TSPAN14: variants seen among roughly 807,000 people sequenced by gnomAD.
The protein encoded by TSPAN14 is tetraspanin-14.
Under a neutral mutation model 36.6 loss-of-function variants are expected in TSPAN14, and 16 were observed. The ratio of observed to expected loss-of-function variants is 0.44; its 90% confidence interval spans 0.30 to 0.66. The LOEUF is 0.66. TSPAN14 is among the 30% of genes least tolerant of loss of function. The pLI is 0.12. For missense variants in TSPAN14, 231 were observed against 355.1 expected (o/e 0.65, Z 2.81); for synonymous variants, 139 against 143.8 (o/e 0.97, Z 0.24).
chr10:80,467,792 G>A (rs992313734), intron 1 of TSPAN14, among the ~76,000 whole-genome samples: 1 of 152,128 alleles, frequency 6.6e-6, no homozygotes, highest in African/African-American at 2.4e-5. Flanking sequence ...GTGTTCAGGC[G>A]CTGAGTGTGG....
At chr10:80,511,150 A>G (rs938915844) in intron 5 of TSPAN14, among the ~76,000 whole-genome samples, 1 of 152,234 alleles carries the variant, frequency 6.6e-6, no homozygotes, top group Non-Finnish European at 1.5e-5. Context: ...AGACACTGTC[A>G]ACTTCACAAT....
chr10:80,464,792 G>A (rs1846154076), intron 1 of TSPAN14, among the ~76,000 whole-genome samples: 1 of 152,158 alleles, frequency 6.6e-6, no homozygotes, highest in Non-Finnish European at 1.5e-5. Flanking sequence ...GCGGGACCTG[G>A]GGCCTCACAG....
chr10:80,509,641 C>T lies in TSPAN14; in HGVS notation c.450+170C>T, dbSNP rs891027253. On this transcript the variant is annotated intron_variant, in intron 5 of 8. Transcript: ENST00000429989. This position sits in a 1 kb window ranked among gnomAD's most constrained non-coding sequence, Gnocchi z 4.7. ...TCCACCTCTGGTCTGTTCCACTTTG[C>T]CGGCTTGTGGTTGCCTGGTGGGCCA... 4.9e-5 allele frequency: 35 copies of T among 709,436 alleles called. No homozygotes were observed. The highest frequency in any genetic ancestry group is 8.1e-4 in the Middle Eastern group (2 of 2,468). 43.9% of individuals were successfully genotyped at this position (709,436 alleles called of 1,614,324 possible). A position where few individuals can be genotyped will look rare whatever the true frequency, so the allele number is the denominator to read the frequency against.
chr10:80,463,189 C>T (rs1564708599), intron 1 of TSPAN14: 1 of 152,126 alleles, frequency 6.6e-6, no homozygotes, highest in Non-Finnish European at 1.5e-5. Flanking sequence ...TTTCGTTTCC[C>T]CTCCCCATTA....
intron 1 of TSPAN14, among the ~76,000 whole-genome samples, chr10:80,464,238 C>T (rs1846124085): frequency 3.3e-5 from 5 of 152,238 alleles, no homozygotes; most frequent in Admixed American, 2.6e-4. Flanking sequence ...CTCCCTTGGC[C>T]TTTCGCTGCT....
chr10:80,475,056 T>C (rs1184028757), intron 1 of TSPAN14, among the ~76,000 whole-genome samples: 1 of 151,870 alleles, frequency 6.6e-6, no homozygotes, highest in Non-Finnish European at 1.5e-5. Flanking sequence ...GGACACCCAG[T>C]TGGAGGGGTG....
chr10:80,495,395 T>A (rs913004073), intron 2 of TSPAN14, among the ~76,000 whole-genome samples: 7 of 147,882 alleles, frequency 4.7e-5, no homozygotes, highest in African/African-American at 1.7e-4. Flanking sequence ...ATGTGTGTAT[T>A]TCATCATTTA....
At chr10:80,493,236 T>C (rs1044799046) in intron 2 of TSPAN14, among the ~76,000 whole-genome samples, 1 of 152,218 alleles carries the variant, frequency 6.6e-6, no homozygotes, top group Non-Finnish European at 1.5e-5. Context: ...ATGGCTATTA[T>C]TTTAAAAAAT....
At chr10:80,514,036 A>C (rs1198407468) in exon 7 of TSPAN14, 1 of 1,613,900 alleles carries the variant, frequency 6.2e-7, no homozygotes. Flanking sequence ...TTGTGAACAC[A>C]CAGTGTGGAT....
At chr10:80,511,446 G>T (rs951836493) in intron 5 of TSPAN14, among the ~76,000 whole-genome samples, 2 of 152,156 alleles carry the variant, frequency 1.3e-5, no homozygotes, top group Non-Finnish European at 2.9e-5. Context: ...CCACACCAAG[G>T]TGCCGAGGGG....
intron 3 of TSPAN14, 45 bp downstream of exon 3, chr10:80,504,823 C>T (rs1840197960): frequency 6.2e-7 from 1 of 1,609,422 alleles, no homozygotes; most frequent in Non-Finnish European, 8.5e-7. Flanking sequence ...GCAGCCAAAA[C>T]CAGATTCGTT....
chr10:80,509,451 A>G lies in TSPAN14; in HGVS notation c.430A>G (p.Ile144Val). Residue 144 changes from isoleucine to valine, a missense_variant, in exon 5 of 9, where the codon ATC becomes GTC. Ile to Val is a conservative substitution (Grantham distance 29). Transcript: ENST00000429989. This position sits in a 1 kb window ranked among gnomAD's most constrained non-coding sequence, Gnocchi z 4.7. ...GGACGATATCGATCTGCAAAACCTCATCGACTCCCTTCAGAAAGCTGTAAG... is the reference window on the plus strand; with the variant it reads ...GGACGATATCGATCTGCAAAACCTCGTCGACTCCCTTCAGAAAGCTGTAAG... The G allele has an allele frequency of 6.2e-7, 1 of 1,613,896 alleles. No individual in the cohort carries two copies. The highest frequency in any genetic ancestry group is 8.5e-7 in the Non-Finnish European group (1 of 1,179,918).
intron 1 of TSPAN14, among the ~76,000 whole-genome samples, chr10:80,469,028 C>A (rs1846391725): frequency 6.6e-6 from 1 of 152,168 alleles, no homozygotes; most frequent in African/African-American, 2.4e-5. Context: ...TCAGTCCTTC[C>A]CCTCTGGGTG....
intron 2 of TSPAN14, among the ~76,000 whole-genome samples, chr10:80,500,813 G>A (rs980667391): frequency 1.3e-5 from 2 of 152,208 alleles, no homozygotes; most frequent in East Asian, 3.9e-4. Context: ...AGCGGTAAGC[G>A]GCCCTACAGC....
rs200706866 is a variant in TSPAN14, at chr10:80,512,158, C to A, written c.465C>A (p.Gly155=). 6 of 1,614,056 alleles carry A rather than the reference C, an allele frequency of 3.7e-6. 1 individual carries two copies. In the African/African-American group the frequency reaches 4.0e-5, roughly 11 times the overall value. ...TGTGGTTGCAGAACCAGTGCTGTGG[C>A]GCATATGGCCCTGAAGACTGGGACC... Residue 155 remains glycine (G), a synonymous_variant, in exon 6 of 9, where the codon GGC becomes GGA. Coordinates refer to ENST00000429989, the Ensembl canonical transcript of TSPAN14.
chr10:80,505,839 A>G (rs1170822924), intron 3 of TSPAN14, among the ~76,000 whole-genome samples: 1 of 152,206 alleles, frequency 6.6e-6, no homozygotes, highest in Non-Finnish European at 1.5e-5. Flanking sequence ...CTGTCGATCT[A>G]AAATAAGTGA....
At chr10:80,479,124 C>T (rs1847094279) in intron 1 of TSPAN14, among the ~76,000 whole-genome samples, 2 of 152,088 alleles carry the variant, frequency 1.3e-5, no homozygotes. Flanking sequence ...CCTTGGCCCA[C>T]TTTTTGATGG....
exon 9 of TSPAN14, chr10:80,522,613 A>G (rs368064107): frequency 6.6e-6 from 1 of 152,378 alleles, no homozygotes. Flanking sequence ...ATAAAAATCT[A>G]AACATAAGAG....
chr10:80,464,428 C>T (rs1487672168), intron 1 of TSPAN14, among the ~76,000 whole-genome samples: 4 of 152,122 alleles, frequency 2.6e-5, no homozygotes, highest in Admixed American at 6.5e-5. Context: ...GAGGGACAGT[C>T]GTGAGAGCAT....
Sources: gnomAD v4.1 joint callset for allele counts (sites outside exome capture counted in the v4.1 genomes callset) on GRCh38, gnomAD v4.1.1 for gene constraint, Gnocchi (gnomAD v3.1) non-coding constraint, MANE v1.5 for transcripts, NCBI Gene and HGNC (gene_info 2026-07-23, HGNC 2026-07-21) for gene names.